The following MEGF11 variants were observed in gnomAD, a reference collection of about 807,000 sequenced individuals.
The protein encoded by MEGF11 is multiple EGF like domains 11, also known as multiple epidermal growth factor-like domains protein 11.
MEGF11 carries 126 observed loss-of-function variants against 146.6 expected under a neutral mutation model. That is an observed-to-expected ratio of 0.86 (90% CI 0.74 to 1.00). MEGF11 has a LOEUF of 1.00. Ranked by LOEUF, MEGF11 falls within the 50% of genes least tolerant of loss-of-function variation. The pLI, the probability that MEGF11 is intolerant of heterozygous loss-of-function variation, is 0.00. For missense variants in MEGF11, 1,509 were observed against 1,521.2 expected (o/e 0.99, Z 0.13); for synonymous variants, 532 against 583.4 (o/e 0.91, Z 1.27).
intron 1 of MEGF11, among the ~76,000 whole-genome samples, chr15:66,228,229 C>T (rs1597163502): frequency 1.3e-5 from 2 of 152,230 alleles, no homozygotes; most frequent in African/African-American, 2.4e-5. Context: ...AGCAGGAAGG[C>T]TCTTCAGAAA....
At chr15:66,223,760 A>C (rs2091787994) in intron 1 of MEGF11, among the ~76,000 whole-genome samples, 1 of 152,216 alleles carries the variant, frequency 6.6e-6, no homozygotes, top group Non-Finnish European at 1.5e-5. Context: ...ATAAAAAATA[A>C]AATGGTGGAT....
At chr15:66,066,352 A>G (rs1454250468) in intron 5 of MEGF11, among the ~76,000 whole-genome samples, 1 of 151,906 alleles carries the variant, frequency 6.6e-6, no homozygotes, top group Non-Finnish European at 1.5e-5. Flanking sequence ...CCACCTCCCC[A>G]CTGTTGGCAT....
intron 20 of MEGF11, 52 bp from the exon 21 acceptor site, chr15:65,912,252 A>C: frequency 2.8e-6 from 3 of 1,073,844 alleles, no homozygotes; most frequent in Non-Finnish European, 2.4e-6. Flanking sequence ...CCCTGGCATG[A>C]GATACCCCCA....
chr15:66,012,397 TG>T (rs1161001396), intron 5 of MEGF11, among the ~76,000 whole-genome samples: 1 of 152,136 alleles, frequency 6.6e-6, no homozygotes, highest in African/African-American at 2.4e-5. Context: ...TCTTGTGGTG[TG>T]GGGGAGTCTG....
At chr15:66,133,671 C>T (rs2088760719) in intron 1 of MEGF11, among the ~76,000 whole-genome samples, 1 of 152,130 alleles carries the variant, frequency 6.6e-6, no homozygotes. Context: ...GGAGTTGGAT[C>T]AGCCCTCGTA....
At chr15:65,924,902 T>G (rs12903123) in intron 13 of MEGF11, among the ~76,000 whole-genome samples, 72,890 of 152,050 alleles carry the variant, frequency 0.48, 20,924 homozygotes, top group Non-Finnish European at 0.64. Context: ...GTGCTGGGAT[T>G]ACAGTCGTGA....
chr15:66,087,863 CCAA>C (rs1213990013), intron 5 of MEGF11, among the ~76,000 whole-genome samples: 1 of 151,898 alleles, frequency 6.6e-6, no homozygotes. Flanking sequence ...AACAACAATA[CCAA>C]CAATAAATGA....
intron 1 of MEGF11, among the ~76,000 whole-genome samples, chr15:66,186,487 T>C (rs2090707454): frequency 6.6e-6 from 1 of 152,158 alleles, no homozygotes; most frequent in Non-Finnish European, 1.5e-5. Flanking sequence ...CCCAAGACAG[T>C]TTCCAGAAAG....
chr15:66,127,178 G>A (rs2088393583), intron 2 of MEGF11, among the ~76,000 whole-genome samples: 1 of 152,178 alleles, frequency 6.6e-6, no homozygotes, highest in South Asian at 2.1e-4. Flanking sequence ...GCTTAGAGGT[G>A]GAAAAATCCA....
chr15:66,044,547 G>A (rs1325857953), intron 5 of MEGF11, among the ~76,000 whole-genome samples: 2 of 152,080 alleles, frequency 1.3e-5, no homozygotes, highest in Admixed American at 1.3e-4. Context: ...GCATTAGGGG[G>A]TCACTTTTCT....
chr15:66,201,778 C>CAAAA (rs60006667), intron 1 of MEGF11, among the ~76,000 whole-genome samples: 4,118 of 99,092 alleles, frequency 0.042, 247 homozygotes, highest in African/African-American at 0.074. Context: ...CTAAAAATCC[C>CAAAA]AAAAAAAAAA....
At chr15:66,116,088 C>T (rs1441168670) in intron 4 of MEGF11, among the ~76,000 whole-genome samples, 1 of 152,212 alleles carries the variant, frequency 6.6e-6, no homozygotes, top group Non-Finnish European at 1.5e-5. Context: ...AGCCTCCTCA[C>T]CGCCCACCTC....
intron 10 of MEGF11, among the ~76,000 whole-genome samples, chr15:65,935,329 A>G (rs2079737692): frequency 1.3e-5 from 1 of 77,334 alleles, no homozygotes; most frequent in Admixed American, 1.2e-4. Context: ...CAAGAAAAAA[A>G]AAAAAAAAAA....
chr15:65,919,950 A>C (rs2079123893), intron 15 of MEGF11, among the ~76,000 whole-genome samples: 1 of 143,408 alleles, frequency 7.0e-6, no homozygotes, highest in African/African-American at 2.5e-5. Flanking sequence ...AACAACAAGC[A>C]AAATGCAGTT....
chr15:66,080,076 C>T (rs537650250), intron 5 of MEGF11, among the ~76,000 whole-genome samples: 1 of 152,324 alleles, frequency 6.6e-6, no homozygotes, highest in Admixed American at 6.5e-5. Flanking sequence ...GGGGATGTGA[C>T]AGCCAAGGGC....
chr15:66,068,276 C>A (rs1350684374), intron 5 of MEGF11, among the ~76,000 whole-genome samples: 1 of 152,244 alleles, frequency 6.6e-6, no homozygotes, highest in East Asian at 1.9e-4. Flanking sequence ...GAATTTGGAG[C>A]TGGATATAGA....
At chr15:66,232,121 C>A (rs2091978762) in intron 1 of MEGF11, among the ~76,000 whole-genome samples, 2 of 152,226 alleles carry the variant, frequency 1.3e-5, no homozygotes, top group Non-Finnish European at 2.9e-5. Context: ...CCAAGCTGCC[C>A]TCGGCAGGCA....
chr15:65,982,491 G>A lies in MEGF11; in HGVS notation c.395-3C>T, dbSNP rs2081688189. ...CCCCCAGTGGTCGCTGTCGCAGCCT[G>A]CAAGAGACGGGACAGTCAGGGATCA... is the stretch of plus-strand genomic sequence containing the variant. On this transcript the variant is annotated splice_region_variant and splice_polypyrimidine_tract_variant and intron_variant, in intron 5 of 25. Transcript: ENST00000395614. The surrounding 1 kb of genome is among the most constrained non-coding windows in gnomAD (Gnocchi z 5.6). 2 of 1,473,074 alleles carry A rather than the reference G, an allele frequency of 1.4e-6. No individual in the cohort carries two copies. The highest frequency in any genetic ancestry group is 2.4e-5 in the Admixed American group (1 of 41,376). The allele number at this position is 1,473,074 out of a possible 1,614,324, so 91.3% of individuals were successfully genotyped here. A position where few individuals can be genotyped will look rare whatever the true frequency, so the allele number is the denominator to read the frequency against.
At chr15:66,119,222 G>T (rs781257630) in intron 3 of MEGF11, 36 bp from the exon 4 acceptor site, 2 of 1,387,736 alleles carry the variant, frequency 1.4e-6, no homozygotes, top group Non-Finnish European at 1.0e-6. Context: ...TGAAAGTATT[G>T]AAAATCAATC....
Sources: gnomAD v4.1 joint callset for allele counts (sites outside exome capture counted in the v4.1 genomes callset) on GRCh38, gnomAD v4.1.1 for gene constraint, Gnocchi (gnomAD v3.1) non-coding constraint, MANE v1.5 for transcripts, NCBI Gene and HGNC (gene_info 2026-07-23, HGNC 2026-07-21) for gene names.